The following STARD13 variants were observed in gnomAD, a reference collection of about 807,000 sequenced individuals.
The protein encoded by STARD13 is StAR related lipid transfer domain containing 13.
Under a neutral mutation model 106.4 loss-of-function variants are expected in STARD13, and 62 were observed. That is an observed-to-expected ratio of 0.58 (90% CI 0.48 to 0.72). The LOEUF is 0.72. Among genes scored for constraint, STARD13 ranks in the 30% least tolerant of loss-of-function variants. The pLI is 0.00. For synonymous variants in STARD13, 565 were observed against 553.0 expected, an observed-to-expected ratio of 1.02 and a Z score of -0.31; for missense variants, 1,387 against 1,424.0, an observed-to-expected ratio of 0.97 and a Z score of 0.42.
the STARD13 span, among the ~76,000 whole-genome samples, chr13:33,377,655 C>T: frequency 6.6e-6 from 1 of 151,470 alleles, no homozygotes; most frequent in Non-Finnish European, 1.5e-5. Context: ...GCTCCACTTA[C>T]AGAGGATGAG....
At chr13:33,225,628 C>T (rs754761712) in intron 1 of STARD13, among the ~76,000 whole-genome samples, 1 of 152,118 alleles carries the variant, frequency 6.6e-6, no homozygotes, top group Non-Finnish European at 1.5e-5. Flanking sequence ...AGCGAAGTAT[C>T]ACTGTATCAT....
At chr13:33,573,689 C>A in the STARD13 span, among the ~76,000 whole-genome samples, 3 of 152,086 alleles carry the variant, frequency 2.0e-5, no homozygotes, top group Admixed American at 2.0e-4. Context: ...GGAGTATAAG[C>A]AGAAAATCTA....
Position 33,129,569 on chromosome 13 carries a change from G to C in STARD13, c.1108C>G (p.Leu370Val). The change falls in exon 5 of 14, where the codon CTG becomes GTG. Residue 370 changes from leucine (L) to valine (V), a missense_variant. Coordinates refer to ENST00000336934, the MANE Select transcript of STARD13 (RefSeq NM_178006.4). The part of the protein sequence containing the change: ...GGMYLEDLDV[L>V]AGTALPDAGD... ...GCATCCGGCAGTGCTGTCCCCGCCA[G>C]CACATCTAGGTCCTCCAAGTACATG... 1.2e-6 allele frequency: 2 copies of C among 1,614,158 alleles called. No homozygotes were observed. The highest frequency in any genetic ancestry group is 1.7e-6 in the Non-Finnish European group (2 of 1,180,032).
At chr13:33,638,250 T>A in the STARD13 span, among the ~76,000 whole-genome samples, 1 of 152,168 alleles carries the variant, frequency 6.6e-6, no homozygotes, top group Non-Finnish European at 1.5e-5. Context: ...TTACACATTT[T>A]AGACATAAGA....
the STARD13 span, among the ~76,000 whole-genome samples, chr13:33,575,033 C>G: frequency 6.6e-6 from 1 of 151,590 alleles, no homozygotes. Context: ...TCTCCTGCCC[C>G]AGCCTCCTGA....
At chr13:33,286,524 G>T (rs1214809738), upstream of STARD13, among the ~76,000 whole-genome samples, 1 of 152,136 alleles carries the variant, frequency 6.6e-6, no homozygotes, top group African/African-American at 2.4e-5. Context: ...AGTTGCAAAG[G>T]TACTTCAAAG....
intron 12 of STARD13, among the ~76,000 whole-genome samples, chr13:33,108,848 T>C (rs1235519743): frequency 1.3e-5 from 2 of 152,184 alleles, no homozygotes; most frequent in African/African-American, 4.8e-5. Flanking sequence ...GAAGTTTAAT[T>C]CCACCAGATG....
the STARD13 span, among the ~76,000 whole-genome samples, chr13:33,538,980 A>C: frequency 6.6e-6 from 1 of 152,166 alleles, no homozygotes; most frequent in Non-Finnish European, 1.5e-5. Flanking sequence ...CGTGTTTGCC[A>C]GGATGGTCTC....
At chr13:33,348,481 T>A (rs751794992), downstream of STARD13, 1 of 152,390 alleles carries the variant, frequency 6.6e-6, no homozygotes, top group Non-Finnish European at 1.5e-5. Context: ...TCTCAGGTTC[T>A]ATAAAAACCC....
chr13:33,290,208 C>T (rs368695082), upstream of STARD13, among the ~76,000 whole-genome samples: 1 of 152,164 alleles, frequency 6.6e-6, no homozygotes, highest in East Asian at 1.9e-4. Context: ...TTCCAGCCTC[C>T]TCATCAGTCT....
the STARD13 span, among the ~76,000 whole-genome samples, chr13:33,467,482 A>C: frequency 6.6e-6 from 1 of 152,186 alleles, no homozygotes. Context: ...TGTGTGATGC[A>C]GTTCCTAACA....
chr13:33,661,231 A>G, the STARD13 span: 1 of 152,222 alleles, frequency 6.6e-6, no homozygotes. Context: ...ACTGGAGGAT[A>G]AATTGTAATG....
intron 1 of STARD13, among the ~76,000 whole-genome samples, chr13:33,239,103 C>T (rs938833022): frequency 3.3e-5 from 5 of 151,954 alleles, no homozygotes. Flanking sequence ...CTTTGGATAC[C>T]TCATGGAAGT....
At chr13:33,504,147 A>C in the STARD13 span, among the ~76,000 whole-genome samples, 2 of 152,142 alleles carry the variant, frequency 1.3e-5, no homozygotes, top group Non-Finnish European at 2.9e-5. Context: ...ACACTTTTAC[A>C]CTGTTGGTGG....
chr13:33,606,949 G>A, the STARD13 span, among the ~76,000 whole-genome samples: 1 of 152,174 alleles, frequency 6.6e-6, no homozygotes, highest in Non-Finnish European at 1.5e-5. Flanking sequence ...TTTACACTGG[G>A]TGCACCTGGA....
the STARD13 span, among the ~76,000 whole-genome samples, chr13:33,651,419 T>A: frequency 6.6e-6 from 1 of 152,190 alleles, no homozygotes. Context: ...TGATCATCAT[T>A]CCGGGTTGCA....
the STARD13 span, among the ~76,000 whole-genome samples, chr13:33,410,841 C>G: frequency 3.9e-5 from 6 of 152,162 alleles, no homozygotes; most frequent in Non-Finnish European, 7.4e-5. Context: ...CAGGAGGTGG[C>G]CTCTCCCAGC....
At chr13:33,341,942 C>T (rs1594285130) in intron 1 of STARD13, among the ~76,000 whole-genome samples, 1 of 152,136 alleles carries the variant, frequency 6.6e-6, no homozygotes, top group Non-Finnish European at 1.5e-5. Context: ...GGCATATCCC[C>T]ACCATACCCG....
In STARD13 at chr13:33,130,261, C is replaced by T; in HGVS notation, c.416G>A (p.Cys139Tyr). 1 of 1,604,024 alleles carries T rather than the reference C, an allele frequency of 6.2e-7. No homozygotes were observed. The highest frequency in any genetic ancestry group is 1.1e-5 in the South Asian group (1 of 91,076). Residue 139 changes from cysteine to tyrosine, a missense_variant, in exon 5 of 14, where the codon TGT becomes TAT. By Grantham distance (194) the Cys-to-Tyr change is radical. Coordinates refer to ENST00000336934, the MANE Select transcript of STARD13 (RefSeq NM_178006.4). This position sits in a 1 kb window ranked among gnomAD's most constrained non-coding sequence, Gnocchi z 4.1. ...TTGGAAAGTCCATTTGTTGCTGATA[C>T]AAAGATCTTCCTCATCGGAGTCGTC... ...KGDDSDEEDL[C>Y]ISNKWTFQRT...
Sources: gnomAD v4.1 joint callset for allele counts (sites outside exome capture counted in the v4.1 genomes callset) on GRCh38, gnomAD v4.1.1 for gene constraint, Gnocchi (gnomAD v3.1) non-coding constraint, MANE v1.5 for transcripts, NCBI Gene and HGNC (gene_info 2026-07-23, HGNC 2026-07-21) for gene names.